BCL11B: variants seen among roughly 807,000 people sequenced by gnomAD.
BCL11B encodes the protein BCL11 transcription factor B.
BCL11B carries 8 observed loss-of-function variants against 49.9 expected under a neutral mutation model. The ratio of observed to expected loss-of-function variants is 0.16; its 90% CI spans 0.09 to 0.29. BCL11B has a LOEUF of 0.29. Ranked by LOEUF, BCL11B falls within the 10% of genes least tolerant of loss-of-function variation. The probability of loss-of-function intolerance (pLI) is 1.00; values close to 1 mark genes in which losing one functional copy is unlikely to be tolerated. For missense variants in BCL11B, 1,006 were observed against 1,351.0 expected, an observed-to-expected ratio of 0.74 and a Z score of 4.00; for synonymous variants, 739 against 637.4, an observed-to-expected ratio of 1.16 and a Z score of -2.40.
chr14:99,258,001 G>A (rs537178116), intron 1 of BCL11B, among the ~76,000 whole-genome samples, 162 bp from the exon 2 acceptor site: 4 of 152,326 alleles, frequency 2.6e-5, no homozygotes, highest in African/African-American at 9.6e-5. Flanking sequence ...GGGGGCTGGT[G>A]AGCATCCCCC....
intron 3 of BCL11B, among the ~76,000 whole-genome samples, chr14:99,180,397 C>T (rs139685160): frequency 2.7e-4 from 41 of 152,334 alleles, no homozygotes; most frequent in Non-Finnish European, 5.1e-4. Context: ...TATCCACTGA[C>T]AGAAACCCAC....
chr14:99,217,385 G>GACACACATACACATACAGAC, intron 3 of BCL11B, among the ~76,000 whole-genome samples: 1 of 131,018 alleles, frequency 7.6e-6, no homozygotes, highest in East Asian at 2.1e-4. Context: ...CACACATACA[G>GACACACATACACATACAGAC]ACACACACAC....
intron 3 of BCL11B, among the ~76,000 whole-genome samples, chr14:99,199,263 A>G (rs1887272007): frequency 1.3e-5 from 2 of 152,204 alleles, no homozygotes; most frequent in Admixed American, 1.3e-4. Flanking sequence ...CTGGCTCCTA[A>G]TGGCCTCATT....
intron 2 of BCL11B, among the ~76,000 whole-genome samples, chr14:99,234,571 G>GT (rs1226401431): frequency 6.6e-6 from 1 of 152,110 alleles, no homozygotes; most frequent in Non-Finnish European, 1.5e-5. Flanking sequence ...TCCTGGCCTC[G>GT]TGACTGAAGG....
intron 3 of BCL11B, among the ~76,000 whole-genome samples, chr14:99,199,660 G>A (rs1290258776): frequency 1.2e-5 from 1 of 82,458 alleles, no homozygotes; most frequent in Non-Finnish European, 2.7e-5. Flanking sequence ...GTGTGTGTGT[G>A]TGTGTGTGTG....
chr14:99,218,232 A>ATTTTTTTTTTTTTTTTT (rs34932370), intron 3 of BCL11B, among the ~76,000 whole-genome samples: 21 of 112,878 alleles, frequency 1.9e-4, no homozygotes, highest in Non-Finnish European at 3.0e-4. Context: ...TGCCTGGCTA[A>ATTTTTTTTTTTTTTTTT]TTTTTTTTTT....
rs569344298 is a variant in BCL11B at position 99,184,923 on chromosome 14, C to T, written c.641-8728G>A. On this transcript the variant is annotated intron_variant, in intron 3 of 3. Coordinates refer to ENST00000357195, the MANE Select transcript of BCL11B (RefSeq NM_138576.4). This position sits in a 1 kb window ranked among gnomAD's most constrained non-coding sequence, Gnocchi z 6.1. ...ACTTAATTCAGGCTTTGAGAAAAAC[C>T]TTAGGAAGCTGGGCCTACACCCCTC... 2.4e-4 allele frequency among the ~76,000 whole-genome samples: 37 copies of T among 152,284 alleles called. No homozygotes were observed. The highest frequency in any genetic ancestry group is 5.0e-4 in the Non-Finnish European group (34 of 68,030).
chr14:99,200,476 G>A (rs1438245610), intron 3 of BCL11B, among the ~76,000 whole-genome samples: 2 of 152,264 alleles, frequency 1.3e-5, no homozygotes, highest in Non-Finnish European at 2.9e-5. Context: ...CAAGGCATCT[G>A]CTGACATCTG....
intron 3 of BCL11B, among the ~76,000 whole-genome samples, chr14:99,178,161 C>T: frequency 6.6e-6 from 1 of 152,178 alleles, no homozygotes; most frequent in Admixed American, 6.5e-5. Flanking sequence ...CCGAGCCAGG[C>T]TGTTACAAGT....
In BCL11B at chr14:99,176,041, G is replaced by A. The variant is rs1886515922; in HGVS notation, c.795C>T (p.Ile265=). ...CGGCCTCCGGCCCGAGCGGCGGCGG[G>A]ATGGTGAGCCGCGGCGTGAGCGAGC... The part of the protein sequence containing the change: ...ASSSLTPRLT[I]PPPLGPEAVA... The change falls in exon 4 of 4, where the codon ATC becomes ATT. Residue 265 remains isoleucine (I), a synonymous_variant. Coordinates refer to ENST00000357195, the MANE Select transcript of BCL11B (RefSeq NM_138576.4). 8 of 1,591,774 alleles carry A rather than the reference G, an allele frequency of 5.0e-6. No homozygotes were observed. Among genetic ancestry groups the A allele is most frequent in the Non-Finnish European group, 6.8e-6 (8 of 1,168,932 alleles).
chr14:99,202,862 G>A lies in BCL11B; in HGVS notation c.641-26667C>T, dbSNP rs144740372. 2.0e-5 allele frequency among the ~76,000 whole-genome samples: 3 copies of A among 152,326 alleles called. No individual in the cohort carries two copies. In the East Asian group the frequency reaches 5.8e-4, roughly 29 times the overall value. ...CCCAGAAGTGTCCCTTCTCCTCTCTGGGTTCTGGTCTCTGGTCAGGAAGGG... is the reference window on the plus strand; with the variant it reads ...CCCAGAAGTGTCCCTTCTCCTCTCTAGGTTCTGGTCTCTGGTCAGGAAGGG... On this transcript the variant is annotated intron_variant, in intron 3 of 3. Coordinates refer to ENST00000357195, the MANE Select transcript of BCL11B (RefSeq NM_138576.4).
chr14:99,208,504 C>T (rs981567062), intron 3 of BCL11B, among the ~76,000 whole-genome samples: 6 of 152,190 alleles, frequency 3.9e-5, no homozygotes, highest in African/African-American at 1.4e-4. Flanking sequence ...TCTCCTGAAG[C>T]GCTAAAGTAA....
Position 99,228,717 on chromosome 14 carries a change from C to T in BCL11B, c.640+2628G>A, listed in dbSNP as rs1202435540. 6.6e-6 allele frequency among the ~76,000 whole-genome samples: 1 copy of T among 152,166 alleles called. No homozygotes were observed. Among genetic ancestry groups the T allele is most frequent in the African/African-American group, 2.4e-5 (1 of 41,442 alleles). ...GATGTGGCAGGTGCTGGATGGAGAG[C>T]CTGGGATCAAATCCCACCTCCACCA... On this transcript the variant is annotated intron_variant, in intron 3 of 3. Coordinates refer to ENST00000357195, the MANE Select transcript of BCL11B (RefSeq NM_138576.4). The surrounding 1 kb of genome is among the most constrained non-coding windows in gnomAD (Gnocchi z 4.8).
chr14:99,209,040 T>C (rs1887615112), intron 3 of BCL11B, among the ~76,000 whole-genome samples: 1 of 151,876 alleles, frequency 6.6e-6, no homozygotes, highest in Non-Finnish European at 1.5e-5. Flanking sequence ...GGGCTCACAG[T>C]GGGGAAGAGC....
chr14:99,246,175 G>A (rs1308786916), intron 2 of BCL11B, among the ~76,000 whole-genome samples: 2 of 152,190 alleles, frequency 1.3e-5, no homozygotes, highest in Admixed American at 6.5e-5. Flanking sequence ...CCGAGTGGGG[G>A]AGGGGAGTGT....
chr14:99,212,819 G>A (rs1042611163), intron 3 of BCL11B, among the ~76,000 whole-genome samples: 4 of 152,182 alleles, frequency 2.6e-5, no homozygotes, highest in African/African-American at 7.2e-5. Flanking sequence ...CTGATCCCAG[G>A]GCCATGATGC....
chr14:99,271,084 T>G, intron 1 of BCL11B, 77 bp downstream of exon 1: 1 of 1,415,830 alleles, frequency 7.1e-7, no homozygotes, highest in Non-Finnish European at 9.3e-7. Flanking sequence ...GCTCGGCTGT[T>G]CCGGGCTCGG....
chr14:99,218,471 A>G (rs1452501619), intron 3 of BCL11B, among the ~76,000 whole-genome samples: 1 of 152,074 alleles, frequency 6.6e-6, no homozygotes, highest in Admixed American at 6.5e-5. Context: ...ATGTGACCAC[A>G]CTGCCTTCCA....
chr14:99,210,150 T>C (rs1595248677), intron 3 of BCL11B, among the ~76,000 whole-genome samples: 1 of 151,910 alleles, frequency 6.6e-6, no homozygotes, highest in Non-Finnish European at 1.5e-5. Context: ...GGGAAGGAGG[T>C]GCTGTGATTG....
Sources: allele counts gnomAD v4.1 joint callset (sites outside exome capture counted in the v4.1 genomes callset), GRCh38; gene constraint gnomAD v4.1.1; non-coding constraint Gnocchi (gnomAD v3.1); transcripts MANE v1.5; gene names NCBI Gene and HGNC (gene_info 2026-07-23, HGNC 2026-07-21).